PPP1R8: variants seen among roughly 807,000 people sequenced by gnomAD.
The protein encoded by PPP1R8 is protein phosphatase 1 regulatory subunit 8.
A neutral mutation model predicts 31.3 loss-of-function variants in PPP1R8; 4 were observed. The ratio of observed to expected loss-of-function variants is 0.13; its 90% CI spans 0.06 to 0.29. The LOEUF (loss-of-function observed/expected upper bound fraction) is 0.29, where lower values mean the gene tolerates loss of function less well. PPP1R8 is among the 10% of genes least tolerant of loss of function. PPP1R8 has a pLI of 1.00. For missense variants in PPP1R8, 254 were observed against 440.1 expected (o/e 0.58, Z 3.78); for synonymous variants, 170 against 169.7 (o/e 1.00, Z -0.01).
At chr1:27,845,354 C>T (rs1457068048) in intron 5 of PPP1R8, among the ~76,000 whole-genome samples, 1 of 149,718 alleles carries the variant, frequency 6.7e-6, no homozygotes, top group Non-Finnish European at 1.5e-5. Context: ...GGTGCCACTG[C>T]ACTCCAGCCT....
Position 27,843,263 on chromosome 1 carries a change from A to G in PPP1R8, c.570A>G (p.Gln190=), listed in dbSNP as rs755043403. The change falls in exon 5 of 7, where the codon CAA becomes CAG. Residue 190 remains glutamine, a synonymous_variant. Transcript: ENST00000311772. The part of the protein sequence containing the change: ...LTIEEGNLDI[Q]RPKRKRKNSR... ...TTGAGGAGGGAAATCTGGACATTCA[A>G]AGACCAAAGAGGAAGAGGAAGAACT... The G allele has an allele frequency of 8.1e-6, 13 of 1,614,206 alleles. No individual in the cohort carries two copies. The highest frequency in any genetic ancestry group is 1.0e-5 in the Non-Finnish European group (12 of 1,180,034).
At chr1:27,840,904 T>C (rs1443216204) in intron 3 of PPP1R8, 110 bp from the exon 4 acceptor site, 5 of 1,082,878 alleles carry the variant, frequency 4.6e-6, no homozygotes, top group Middle Eastern at 2.1e-4. Flanking sequence ...GCAAAACTGA[T>C]GTGCTGGGGG....
chr1:27,833,265 G>C (rs2089129946), intron 2 of PPP1R8, among the ~76,000 whole-genome samples: 1 of 152,146 alleles, frequency 6.6e-6, no homozygotes, highest in Non-Finnish European at 1.5e-5. Context: ...AAAAGATAAT[G>C]GAATTGTGGT....
At position 27,850,329 on chromosome 1, in the gene PPP1R8, GAACCCTGCACCA is replaced by G. The variant is rs1207874329; in HGVS notation, c.949_960del (p.Pro317_Ala320del). 1 of 1,614,100 alleles carries G rather than the reference GAACCCTGCACCA, an allele frequency of 6.2e-7. No individual in the cohort carries two copies. The highest frequency in any genetic ancestry group is 8.5e-7 in the Non-Finnish European group (1 of 1,180,060). On this transcript the variant is annotated inframe_deletion, in exon 7 of 7. Transcript: ENST00000311772. ...CTGTTGTGCCGTCAGCAGTGAACATGAACCCTGCACCAAACCCTGCAGTCTATAACCCTGAAG... is the reference window on the plus strand; with the variant it reads ...CTGTTGTGCCGTCAGCAGTGAACATGAACCCTGCAGTCTATAACCCTGAAG...
Position 27,850,210 on chromosome 1 carries a change from G to A in PPP1R8, c.820G>A (p.Ala274Thr). The change falls in exon 7 of 7, where the codon GCA becomes ACA. Residue 274 changes from alanine (A) to threonine (T), a missense_variant. Coordinates refer to ENST00000311772, the MANE Select transcript of PPP1R8 (RefSeq NM_014110.5). ...GGGCCTGCCCCCCACACACAGTGAA[G>A]CAGGCTCCCAGCCACATGGCATCCA... ...YGGLPPTHSE[A>T]GSQPHGIHGT... 6.2e-7 allele frequency: 1 copy of A among 1,614,218 alleles called. No individual in the cohort carries two copies. Among genetic ancestry groups the A allele is most frequent in the South Asian group, 1.1e-5 (1 of 91,090 alleles).
intron 4 of PPP1R8, among the ~76,000 whole-genome samples, chr1:27,842,344 A>AG (rs1210523742): frequency 7.1e-6 from 1 of 140,268 alleles, no homozygotes; most frequent in African/African-American, 2.9e-5. Flanking sequence ...CTCCGTCTCA[A>AG]AAAAAAAAAA....
intron 5 of PPP1R8, 60 bp from the exon 6 acceptor site, chr1:27,846,968 T>G: frequency 1.4e-6 from 2 of 1,380,520 alleles, no homozygotes; most frequent in South Asian, 1.2e-5. Context: ...CAGTGACTCC[T>G]GTGCCCTTAT....
chr1:27,849,295 C>G (rs906355906), intron 6 of PPP1R8, among the ~76,000 whole-genome samples: 2 of 149,698 alleles, frequency 1.3e-5, no homozygotes, highest in African/African-American at 4.9e-5. Flanking sequence ...GGCTTGAACC[C>G]GGGAGGCAGA....
intron 4 of PPP1R8, 21 bp from the exon 5 acceptor site, chr1:27,843,165 C>A (rs2089239340): frequency 3.1e-6 from 5 of 1,613,698 alleles, no homozygotes; most frequent in Admixed American, 1.7e-5. Flanking sequence ...TGCTGTCTTT[C>A]CTGTATGAAC....
intron 6 of PPP1R8, among the ~76,000 whole-genome samples, chr1:27,849,198 C>A (rs1446775867): frequency 6.6e-6 from 1 of 151,956 alleles, no homozygotes; most frequent in African/African-American, 2.4e-5. Context: ...ATGGAGAAAC[C>A]CTGTCTCTAC....
At chr1:27,832,597 A>C (rs2089121529) in intron 1 of PPP1R8, among the ~76,000 whole-genome samples, 159 bp from the exon 2 acceptor site, 1 of 152,238 alleles carries the variant, frequency 6.6e-6, no homozygotes, top group Admixed American at 6.5e-5. Flanking sequence ...TGTCAAACGT[A>C]GAATGGAGCT....
At chr1:27,836,755 A>G (rs935637752) in intron 2 of PPP1R8, among the ~76,000 whole-genome samples, 4 of 152,054 alleles carry the variant, frequency 2.6e-5, no homozygotes, top group African/African-American at 9.7e-5. Flanking sequence ...GCTCAGGTCT[A>G]GCACGGTGGC....
intron 3 of PPP1R8, among the ~76,000 whole-genome samples, chr1:27,840,797 G>A (rs1373681333): frequency 1.3e-5 from 2 of 152,146 alleles, no homozygotes; most frequent in African/African-American, 4.8e-5. Flanking sequence ...GATGGATGTG[G>A]TGGACCCAGT....
In PPP1R8 at chr1:27,847,111, G is replaced by A. The variant is rs771955267; in HGVS notation, c.702+19G>A. The A allele has an allele frequency of 6.2e-7, 1 of 1,610,822 alleles. No homozygotes were observed. The highest frequency in any genetic ancestry group is 1.7e-5 in the Admixed American group (1 of 60,006). ...AGTCAAGGTAGGAAGCACATGAAAT[G>A]CCATACAGTCTGTGTTTTAAAACCT... On this transcript the variant is annotated intron_variant, in intron 6 of 6. Transcript: ENST00000311772.
chr1:27,845,820 CCTT>C (rs1449802483), intron 5 of PPP1R8, among the ~76,000 whole-genome samples: 5 of 119,254 alleles, frequency 4.2e-5, no homozygotes, highest in African/African-American at 1.8e-4. Context: ...GACGGAGTCT[CCTT>C]CTGTCGCCCA....
intron 6 of PPP1R8, among the ~76,000 whole-genome samples, chr1:27,849,126 C>G (rs1386446189): frequency 1.3e-5 from 2 of 152,168 alleles, no homozygotes; most frequent in Non-Finnish European, 2.9e-5. Context: ...AATCCCAGCA[C>G]TTTGGGAGGC....
intron 4 of PPP1R8, among the ~76,000 whole-genome samples, chr1:27,842,850 G>A (rs1202127650): frequency 1.3e-5 from 2 of 152,166 alleles, no homozygotes; most frequent in Non-Finnish European, 2.9e-5. Flanking sequence ...TTGTGGGCAT[G>A]AAGACATGAT....
intron 2 of PPP1R8, among the ~76,000 whole-genome samples, chr1:27,833,107 C>T (rs1263818693): frequency 6.6e-6 from 1 of 152,148 alleles, no homozygotes; most frequent in Non-Finnish European, 1.5e-5. Context: ...TTCCCTCTCC[C>T]TGAGTACATG....
rs952397895 is a variant in PPP1R8 at position 27,831,117 on chromosome 1, G to A, written c.56+226G>A. ...AACCCGGGGTTGGGGGCTCAAAGGC[G>A]CTCACTTAGGCAGCCCCTTTGAGCG... On this transcript the variant is annotated intron_variant, in intron 1 of 6. Coordinates refer to ENST00000311772, the MANE Select transcript of PPP1R8 (RefSeq NM_014110.5). The A allele has an allele frequency of 2.8e-5, 37 of 1,336,042 alleles. No individual in the cohort carries two copies. The South Asian group carries it at 5.2e-4, about 19-fold the overall frequency. 82.8% of individuals were successfully genotyped at this position (1,336,042 alleles called of 1,614,324 possible). A position where few individuals can be genotyped will look rare whatever the true frequency, so the allele number is the denominator to read the frequency against.
Sources: gnomAD v4.1 joint callset for allele counts (sites outside exome capture counted in the v4.1 genomes callset) on GRCh38, gnomAD v4.1.1 for gene constraint, MANE v1.5 for transcripts, NCBI Gene and HGNC (gene_info 2026-07-23, HGNC 2026-07-21) for gene names.